GSTM2: variants seen among roughly 807,000 people sequenced by gnomAD.
GSTM2 encodes the protein glutathione S-transferase mu 2, also known as GST class-mu 2.
A neutral mutation model predicts 33.3 loss-of-function variants in GSTM2; 33 were observed. The observed-to-expected ratio is 0.99, with a 90% CI of 0.75 to 1.33. The LOEUF is 1.33. Ranked by LOEUF, GSTM2 falls within the 40% of genes most tolerant of loss-of-function variation. The pLI is 0.00. For synonymous variants in GSTM2, 93 were observed against 95.6 expected (o/e 0.97, Z 0.16); for missense variants, 213 against 265.8 (o/e 0.80, Z 1.38).
chr1:109,671,830 G>A (rs1647553821), intron 7 of GSTM2, among the ~76,000 whole-genome samples: 1 of 152,102 alleles, frequency 6.6e-6, no homozygotes, highest in Non-Finnish European at 1.5e-5. Flanking sequence ...AATTAGCTGG[G>A]CGTGGTGGCG....
At chr1:109,668,736 C>G (rs1647421195) in intron 2 of GSTM2, 189 bp from the exon 3 acceptor site, 3 of 822,694 alleles carry the variant, frequency 3.6e-6, no homozygotes, top group Admixed American at 2.2e-5. Context: ...ACCCTGGAAG[C>G]CTTAGCTGTG....
In GSTM2 at chr1:109,674,791, C is replaced by T. The variant is rs376043733; in HGVS notation, c.612C>T (p.Leu204=). The T allele has an allele frequency of 6.2e-7, 1 of 1,614,112 alleles. No individual in the cohort carries two copies. The highest frequency in any genetic ancestry group is 8.5e-7 in the Non-Finnish European group (1 of 1,180,050). ...CCTACATGAAGTCCAGCCGCTTCCT[C>T]CCAAGACCTGTGTTCACAAAGATGG... ...ISAYMKSSRF[L]PRPVFTKMAV... Residue 204 remains leucine, a synonymous_variant, in exon 8 of 8, where the codon CTC becomes CTT. Transcript: ENST00000241337.
intron 7 of GSTM2, 40 bp downstream of exon 7, chr1:109,671,623 C>A: frequency 9.4e-7 from 1 of 1,058,674 alleles, no homozygotes; most frequent in Non-Finnish European, 1.5e-6. Context: ...GTCTCTTATT[C>A]CTTTCCCTCC....
intron 7 of GSTM2, chr1:109,673,285 C>T: frequency 6.2e-7 from 1 of 1,605,118 alleles, no homozygotes; most frequent in Non-Finnish European, 8.5e-7. Context: ...GGGTGTGAGG[C>T]ACAGTGGGAG....
At chr1:109,670,781 T>TAACA (rs1647509582) in intron 5 of GSTM2, 1 of 154,654 alleles carries the variant, frequency 6.5e-6, no homozygotes, top group African/African-American at 2.4e-5. Flanking sequence ...CGAATTTTCC[T>TAACA]AACAGACAGC....
chr1:109,678,750 A>T (rs370055750), downstream of GSTM2, among the ~76,000 whole-genome samples: 9 of 139,220 alleles, frequency 6.5e-5, no homozygotes, highest in African/African-American at 2.5e-4. Context: ...ACAGAACAAG[A>T]CTCCCTCTCA....
intron 7 of GSTM2, 22 bp downstream of exon 7, chr1:109,671,605 C>T (rs1647546244): frequency 8.9e-7 from 1 of 1,129,460 alleles, no homozygotes; most frequent in African/African-American, 1.5e-5. Flanking sequence ...AGCCTCCTTT[C>T]TCTTTATGTC....
chr1:109,672,748 G>A (rs1245018812), intron 7 of GSTM2, among the ~76,000 whole-genome samples: 1 of 152,202 alleles, frequency 6.6e-6, no homozygotes, highest in Non-Finnish European at 1.5e-5. Flanking sequence ...GAACCCCCAT[G>A]TGGGGAATCC....
intron 7 of GSTM2, 118 bp from the exon 8 acceptor site, chr1:109,674,629 T>C (rs1461966535): frequency 2.4e-6 from 3 of 1,252,470 alleles, no homozygotes; most frequent in African/African-American, 1.5e-5. Context: ...GCCTCAGCAC[T>C]TGAGCCCACA....
chr1:109,673,348 G>A (rs780735245), intron 7 of GSTM2: 11 of 1,433,704 alleles, frequency 7.7e-6, no homozygotes, highest in East Asian at 2.4e-5. Context: ...AGGCCTGCAG[G>A]CAGAGCAGCC....
At chr1:109,668,221 A>G (rs1647405786) in intron 1 of GSTM2, 70 bp downstream of exon 1, 2 of 1,500,350 alleles carry the variant, frequency 1.3e-6, no homozygotes, top group Non-Finnish European at 1.8e-6. Context: ...CAGCTGCAGG[A>G]CGGGCTCTAG....
Position 109,671,541 on chromosome 1 carries a change from G to T in GSTM2, c.525G>T (p.Leu175=). Residue 175 remains leucine, a synonymous_variant, in exon 7 of 8, where the codon CTG becomes CTT. Transcript: ENST00000241337. ...ERNQVFEPSC[L]DAFPNLKDFI... The stretch of plus-strand genomic sequence containing the variant: ...ACCAAGTATTTGAGCCCAGCTGCCT[G>T]GATGCCTTCCCAAACCTGAAGGACT... 6.2e-7 allele frequency: 1 copy of T among 1,613,142 alleles called. No individual in the cohort carries two copies. The highest frequency in any genetic ancestry group is 1.1e-5 in the South Asian group (1 of 91,066).
chr1:109,669,588 C>CACTCCCAGTCTCCCCTTCCCT lies in GSTM2; in HGVS notation c.360+35_360+55dup, dbSNP rs565184660. ...CCAGATTTTGTAAGTCCCCCCACCC[C>CACTCCCAGTCTCCCCTTCCCT]ACTCCCAGTCTCCCCTTCCCTACTC... On this transcript the variant is annotated intron_variant, in intron 5 of 7. Coordinates refer to ENST00000241337, the MANE Select transcript of GSTM2 (RefSeq NM_000848.4). 2.7e-6 allele frequency: 4 copies of CACTCCCAGTCTCCCCTTCCCT among 1,462,298 alleles called. No homozygotes were observed. Among genetic ancestry groups the CACTCCCAGTCTCCCCTTCCCT allele is most frequent in the South Asian group, 1.1e-5 (1 of 87,494 alleles). 90.6% of individuals were successfully genotyped at this position (1,462,298 alleles called of 1,614,324 possible).
At chr1:109,674,706 C>T (rs1225951648) in intron 7 of GSTM2, 41 bp from the exon 8 acceptor site, 2 of 1,613,702 alleles carry the variant, frequency 1.2e-6, no homozygotes, top group Non-Finnish European at 1.7e-6. Context: ...CCCTCATGGG[C>T]AGCTGACCTT....
At chr1:109,673,324 A>T in intron 7 of GSTM2, 1 of 1,559,516 alleles carries the variant, frequency 6.4e-7, no homozygotes, top group African/African-American at 1.3e-5. Flanking sequence ...CATCCTGGAA[A>T]TGAGTGCAGT....
chr1:109,672,148 C>G (rs1557959138), intron 7 of GSTM2, among the ~76,000 whole-genome samples: 1 of 150,854 alleles, frequency 6.6e-6, no homozygotes, highest in Admixed American at 6.6e-5. Flanking sequence ...GGCGTGGTGG[C>G]ACATGCCTAT....
chr1:109,676,344 A>G (rs1219797513), downstream of GSTM2, among the ~76,000 whole-genome samples: 1 of 152,048 alleles, frequency 6.6e-6, no homozygotes, highest in African/African-American at 2.4e-5. Context: ...TTGCTTTTTA[A>G]AAATTATTAT....
At position 109,682,530 on chromosome 1, in the gene GSTM2, C is replaced by T. The variant is rs1300182993; in HGVS notation, c.567+10947C>T. Among the ~76,000 whole-genome samples the T allele has an allele frequency of 9.6e-5, 11 of 114,050 alleles. 1 individual carries two copies. The East Asian group carries it at 2.3e-3, about 24-fold the overall frequency. 74.8% of individuals were successfully genotyped at this position (114,050 alleles called of 152,430 possible). A position where few individuals can be genotyped will look rare whatever the true frequency, so the allele number is the denominator to read the frequency against. On this transcript the variant is annotated intron_variant, in intron 7 of 7. Transcript: ENST00000369831. ...GTGGGGATTACAGGCGTGTAGTTACCTAACTTTTAACAGAATAAACTATTA... is the reference window on the plus strand; with the variant it reads ...GTGGGGATTACAGGCGTGTAGTTACTTAACTTTTAACAGAATAAACTATTA...
chr1:109,671,322 T>A lies in GSTM2; in HGVS notation c.396T>A (p.Pro132=). The part of the protein sequence containing the change: ...KLKPEYLQAL[P]EMLKLYSQFL... ...AACCAGAATACCTGCAGGCACTCCCTGAAATGCTGAAGCTCTACTCACAGT... is the reference window on the plus strand; with the variant it reads ...AACCAGAATACCTGCAGGCACTCCCAGAAATGCTGAAGCTCTACTCACAGT... Residue 132 remains proline (P), a synonymous_variant, in exon 6 of 8, where the codon CCT becomes CCA. Transcript: ENST00000241337. 1 of 1,614,102 alleles carries A rather than the reference T, an allele frequency of 6.2e-7. No homozygotes were observed. The highest frequency in any genetic ancestry group is 1.1e-5 in the South Asian group (1 of 91,084).
Sources: allele counts gnomAD v4.1 joint callset (sites outside exome capture counted in the v4.1 genomes callset), GRCh38; gene constraint gnomAD v4.1.1; transcripts MANE v1.5; gene names NCBI Gene and HGNC (gene_info 2026-07-23, HGNC 2026-07-21).